The following RNF130 variants were observed in gnomAD, a reference collection of about 807,000 sequenced individuals.
The protein encoded by RNF130 is E3 ubiquitin-protein ligase RNF130.
RNF130 carries 21 observed loss-of-function variants against 44.6 expected under a neutral mutation model. That is an observed-to-expected ratio of 0.47 (90% confidence interval 0.33 to 0.68). The LOEUF (loss-of-function observed/expected upper bound fraction) is 0.68, where lower values mean the gene tolerates loss of function less well. Among genes scored for constraint, RNF130 ranks in the 30% least tolerant of loss-of-function variants. The pLI, the probability that RNF130 is intolerant of heterozygous loss-of-function variation, is 0.02. For missense variants in RNF130, 479 were observed against 560.6 expected (o/e 0.85, Z 1.47); for synonymous variants, 214 against 210.4 (o/e 1.02, Z -0.15).
At chr5:179,949,777 T>TGC (rs1200876839) in intron 7 of RNF130, among the ~76,000 whole-genome samples, 5 of 152,222 alleles carry the variant, frequency 3.3e-5, no homozygotes, top group African/African-American at 1.2e-4. Flanking sequence ...GGCACGCAGC[T>TGC]GCAACTTCTG....
chr5:179,952,504 G>A (rs1440028556), downstream of RNF130, among the ~76,000 whole-genome samples: 1 of 152,124 alleles, frequency 6.6e-6, no homozygotes, highest in Non-Finnish European at 1.5e-5. Context: ...TTTATATGAT[G>A]CCAGCATTAC....
At chr5:179,995,297 C>T (rs1339069140) in intron 3 of RNF130, among the ~76,000 whole-genome samples, 3 of 152,128 alleles carry the variant, frequency 2.0e-5, no homozygotes, top group Non-Finnish European at 4.4e-5. Context: ...TGCAAATTTG[C>T]TATTGGGTCC....
At chr5:179,948,994 C>T (rs1762086153) in intron 7 of RNF130, among the ~76,000 whole-genome samples, 1 of 134,516 alleles carries the variant, frequency 7.4e-6, no homozygotes, top group African/African-American at 2.8e-5. Context: ...GAGATGGAGT[C>T]TCGCTCTGTC....
intron 3 of RNF130, among the ~76,000 whole-genome samples, chr5:179,988,550 C>A (rs1469697028): frequency 1.3e-5 from 2 of 152,164 alleles, no homozygotes; most frequent in African/African-American, 4.8e-5. Context: ...ATAAACACTT[C>A]CCTCTTAGCA....
rs1765275018 is a variant in RNF130, at chr5:180,071,665, G to A, written c.38C>T (p.Ala13Val). ...GCTGCAGGTCAGCAGGGCGAGCGCG[G>A]CGAGCCGGGCAGGGCCCGCCCGCCC... The part of the protein sequence containing the change: ...CAGRAGPARL[A>V]ALALLTCSLW... The change falls in exon 1 of 9, where the codon GCC becomes GTC. Residue 13 changes from alanine to valine, a missense_variant. Ala to Val is a moderately conservative substitution (Grantham distance 64). This residue lies in a region of RNF130 where 138 missense variants were observed against 126.9 expected (regional missense o/e 1.09). Coordinates refer to ENST00000521389, the MANE Select transcript of RNF130 (RefSeq NM_018434.6). 7.0e-7 allele frequency: 1 copy of A among 1,430,342 alleles called. No individual in the cohort carries two copies. Among genetic ancestry groups the A allele is most frequent in the Non-Finnish European group, 9.2e-7 (1 of 1,088,878 alleles). 88.6% of individuals were successfully genotyped at this position (1,430,342 alleles called of 1,614,324 possible). A position where few individuals can be genotyped will look rare whatever the true frequency, so the allele number is the denominator to read the frequency against.
chr5:179,934,883 T>C (rs1761866394), intron 7 of RNF130, among the ~76,000 whole-genome samples: 1 of 152,164 alleles, frequency 6.6e-6, no homozygotes, highest in Non-Finnish European at 1.5e-5. Flanking sequence ...ATATTTGTTT[T>C]CCATTGAATT....
At chr5:180,055,913 G>C (rs1764808648) in intron 1 of RNF130, among the ~76,000 whole-genome samples, 1 of 151,902 alleles carries the variant, frequency 6.6e-6, no homozygotes, top group South Asian at 2.1e-4. Context: ...GTGAAACCCT[G>C]TCTCTACTAA....
intron 3 of RNF130, 67 bp downstream of exon 3, chr5:180,012,994 A>G: frequency 3.3e-6 from 5 of 1,512,160 alleles, no homozygotes; most frequent in Non-Finnish European, 4.4e-6. Context: ...AGTAAGATGC[A>G]TGGTCACGAC....
At chr5:180,058,249 T>C (rs890554367) in intron 1 of RNF130, among the ~76,000 whole-genome samples, 1 of 152,160 alleles carries the variant, frequency 6.6e-6, no homozygotes, top group Non-Finnish European at 1.5e-5. Context: ...ATCAGTGTGT[T>C]CATTCTGTGG....
chr5:179,928,748 C>T (rs1403394305), intron 7 of RNF130, among the ~76,000 whole-genome samples: 2 of 151,998 alleles, frequency 1.3e-5, no homozygotes, highest in Non-Finnish European at 2.9e-5. Context: ...CCTGCCTCAG[C>T]CTCCCGAGTA....
At chr5:180,055,248 CAAAAAAAAAAA>C (rs1205914690) in intron 1 of RNF130, among the ~76,000 whole-genome samples, 4 of 20,980 alleles carry the variant, frequency 1.9e-4, no homozygotes, top group East Asian at 2.5e-3. Flanking sequence ...GGTTCTGTCT[CAAAAAAAAAAA>C]AAAAAAAAAA....
At chr5:180,061,960 T>C (rs1012241287) in intron 1 of RNF130, among the ~76,000 whole-genome samples, 3 of 152,242 alleles carry the variant, frequency 2.0e-5, no homozygotes, top group East Asian at 1.9e-4. Context: ...CCAGCAGATG[T>C]GGTGTCAGAG....
chr5:180,024,633 G>A (rs1213211352), intron 2 of RNF130, among the ~76,000 whole-genome samples: 1 of 152,124 alleles, frequency 6.6e-6, no homozygotes, highest in Non-Finnish European at 1.5e-5. Context: ...TAAATGTTGA[G>A]AGAATTCATC....
At chr5:179,991,612 C>A (rs2113032197) in intron 3 of RNF130, among the ~76,000 whole-genome samples, 1 of 152,200 alleles carries the variant, frequency 6.6e-6, no homozygotes, top group Non-Finnish European at 1.5e-5. Flanking sequence ...TGTTTTTCTT[C>A]CACTTGATCT....
At chr5:180,062,910 T>C (rs1432992674) in intron 1 of RNF130, among the ~76,000 whole-genome samples, 2 of 152,126 alleles carry the variant, frequency 1.3e-5, no homozygotes, top group East Asian at 1.9e-4. Flanking sequence ...TCCACTAATA[T>C]AGCAAACACT....
chr5:180,045,451 G>T (rs932267634), intron 1 of RNF130, among the ~76,000 whole-genome samples: 3 of 152,184 alleles, frequency 2.0e-5, no homozygotes, highest in African/African-American at 7.2e-5. Context: ...AAAGACCGCA[G>T]GGACCCAAAC....
chr5:179,932,141 C>G (rs1761818770), intron 7 of RNF130, among the ~76,000 whole-genome samples: 3 of 152,036 alleles, frequency 2.0e-5, no homozygotes, highest in Admixed American at 2.0e-4. Flanking sequence ...TTTAAAGTTA[C>G]CTGTTATAGG....
chr5:179,925,293 A>C (rs1478680371), intron 7 of RNF130, among the ~76,000 whole-genome samples: 3 of 152,184 alleles, frequency 2.0e-5, no homozygotes, highest in Non-Finnish European at 4.4e-5. Flanking sequence ...CCAACAGTTT[A>C]ATCAGTCATG....
At chr5:180,015,268 T>G (rs536672871) in intron 2 of RNF130, 54 of 490,490 alleles carry the variant, frequency 1.1e-4, no homozygotes, top group Non-Finnish European at 2.1e-4. Context: ...TAGAAATCTC[T>G]TAAAATGTTG....
Sources: gnomAD v4.1 joint callset for allele counts (sites outside exome capture counted in the v4.1 genomes callset) on GRCh38, gnomAD v4.1.1 for gene constraint, gnomAD v4.1.1 regional missense constraint, MANE v1.5 for transcripts, NCBI Gene and HGNC (gene_info 2026-07-23, HGNC 2026-07-21) for gene names.